PLD5: variants seen among roughly 807,000 people sequenced by gnomAD.
PLD5 encodes phospholipase D family member 5.
Under a neutral mutation model 61.1 loss-of-function variants are expected in PLD5, and 36 were observed. The observed-to-expected ratio is 0.59, with a 90% CI of 0.45 to 0.78. The LOEUF is 0.78. Among genes scored for constraint, PLD5 ranks in the 30% least tolerant of loss-of-function variants. The probability of loss-of-function intolerance (pLI) is 0.00; values close to 1 mark genes in which losing one functional copy is unlikely to be tolerated. For synonymous variants in PLD5, 243 were observed against 242.8 expected, an observed-to-expected ratio of 1.00 and a Z score of -0.01; for missense variants, 515 against 644.4, an observed-to-expected ratio of 0.80 and a Z score of 2.17.
chr1:242,221,454 A>G (rs977511268), intron 4 of PLD5, among the ~76,000 whole-genome samples: 1 of 152,258 alleles, frequency 6.6e-6, no homozygotes, highest in African/African-American at 2.4e-5. Flanking sequence ...ATTTCAGCAT[A>G]TCAGAAAGGA....
At chr1:242,233,038 C>A (rs1671408493) in intron 4 of PLD5, among the ~76,000 whole-genome samples, 2 of 151,996 alleles carry the variant, frequency 1.3e-5, no homozygotes, top group Admixed American at 1.3e-4. Flanking sequence ...CCTGTAATCC[C>A]AGCTACTTGG....
intron 1 of PLD5, among the ~76,000 whole-genome samples, chr1:242,372,296 G>C (rs1006462343): frequency 6.6e-6 from 1 of 152,130 alleles, no homozygotes; most frequent in Non-Finnish European, 1.5e-5. Flanking sequence ...GCCCTGCTTT[G>C]TGGAGCCAGG....
chr1:242,300,754 AC>A (rs1675991726), intron 2 of PLD5, among the ~76,000 whole-genome samples: 1 of 5,252 alleles, frequency 1.9e-4, no homozygotes, highest in East Asian at 0.021. Flanking sequence ...TTGCAGCGGG[AC>A]AAGGGTTGCA....
At chr1:242,242,509 T>G (rs567655840) in intron 4 of PLD5, among the ~76,000 whole-genome samples, 10 of 152,354 alleles carry the variant, frequency 6.6e-5, no homozygotes, top group African/African-American at 2.4e-4. Flanking sequence ...TCTAAGGTTT[T>G]GCTAAAGATC....
intron 2 of PLD5, among the ~76,000 whole-genome samples, chr1:242,289,096 T>C (rs904198692): frequency 1.2e-4 from 19 of 152,230 alleles, no homozygotes; most frequent in African/African-American, 4.6e-4. Context: ...AGGGCTTTAC[T>C]AATATTAGAG....
At chr1:242,095,204 G>T (rs946055471) in intron 9 of PLD5, among the ~76,000 whole-genome samples, 20 of 151,656 alleles carry the variant, frequency 1.3e-4, no homozygotes, top group Admixed American at 1.3e-4. Flanking sequence ...CAAAGCGCTG[G>T]AATTATAGGC....
At chr1:242,352,418 T>C (rs1165392151) in intron 1 of PLD5, among the ~76,000 whole-genome samples, 3 of 152,362 alleles carry the variant, frequency 2.0e-5, no homozygotes, top group South Asian at 2.1e-4. Flanking sequence ...TCGTTGTACA[T>C]ACATTCCATA....
chr1:242,271,201 CAGAGAGAGAGAGAGAG>C (rs60075638), intron 3 of PLD5, among the ~76,000 whole-genome samples: 1,265 of 101,922 alleles, frequency 0.012, 55 homozygotes, highest in East Asian at 0.11. Context: ...CACACACACA[CAGAGAGAGAGAGAGAG>C]AGAGAGAGAG....
chr1:242,466,836 T>G (rs1667291760), intron 1 of PLD5, among the ~76,000 whole-genome samples: 1 of 149,810 alleles, frequency 6.7e-6, no homozygotes, highest in Non-Finnish European at 1.5e-5. Context: ...GAAGTTGCAG[T>G]GAGCTGAGAT....
chr1:242,169,963 T>C (rs316890), intron 5 of PLD5, among the ~76,000 whole-genome samples: 127,663 of 152,230 alleles, frequency 0.84, 54,032 homozygotes, highest in African/African-American at 0.95. Context: ...CCCTCATCTC[T>C]CTGGGACAGA....
chr1:242,524,046 G>A, intron 1 of PLD5, 42 bp downstream of exon 1: 1 of 1,515,626 alleles, frequency 6.6e-7, no homozygotes, highest in South Asian at 1.2e-5. Context: ...GGTGCATGCG[G>A]CAGGTGCCTG....
At chr1:242,124,688 A>G (rs544065464) in intron 5 of PLD5, 23 bp from the exon 6 acceptor site, 2 of 1,583,564 alleles carry the variant, frequency 1.3e-6, no homozygotes, top group African/African-American at 1.3e-5. Flanking sequence ...AATTGAAAGC[A>G]TCAATGCCAT....
intron 1 of PLD5, among the ~76,000 whole-genome samples, chr1:242,437,426 G>A (rs1666049494): frequency 6.6e-6 from 1 of 152,126 alleles, no homozygotes; most frequent in African/African-American, 2.4e-5. Context: ...GCTGGGCATG[G>A]TGGCTCACAC....
chr1:242,308,633 G>C (rs2149170631), intron 2 of PLD5, among the ~76,000 whole-genome samples: 2 of 152,008 alleles, frequency 1.3e-5, no homozygotes, highest in East Asian at 1.9e-4. Context: ...AGTTAAATGT[G>C]AATGATATGA....
intron 4 of PLD5, among the ~76,000 whole-genome samples, chr1:242,242,039 A>ACACAC (rs1672089276): frequency 1.4e-5 from 2 of 146,946 alleles, no homozygotes; most frequent in African/African-American, 5.1e-5. Flanking sequence ...ACACACACAC[A>ACACAC]CACACATATG....
chr1:242,093,264 G>A (rs966465622), intron 9 of PLD5, among the ~76,000 whole-genome samples: 9 of 152,082 alleles, frequency 5.9e-5, no homozygotes, highest in Non-Finnish European at 1.3e-4. Context: ...ATCTCTAAAC[G>A]GGATTAGTAG....
At chr1:242,358,138 A>T (rs1470066) in intron 1 of PLD5, among the ~76,000 whole-genome samples, 144,088 of 152,144 alleles carry the variant, frequency 0.95, 68,705 homozygotes, top group Non-Finnish European at 1. Flanking sequence ...TGTTCATGTA[A>T]TGTTTTACAC....
intron 5 of PLD5, among the ~76,000 whole-genome samples, chr1:242,194,286 T>A (rs1668463404): frequency 6.6e-6 from 1 of 152,184 alleles, no homozygotes; most frequent in Admixed American, 6.5e-5. Flanking sequence ...CCTATAAGTA[T>A]GTGTGTTCTA....
chr1:242,323,087 AATT>A (rs1367584837), intron 2 of PLD5, among the ~76,000 whole-genome samples: 3 of 152,330 alleles, frequency 2.0e-5, no homozygotes, highest in Admixed American at 2.0e-4. Flanking sequence ...GACTACAATA[AATT>A]ATTATTGTTA....
Sources: allele counts gnomAD v4.1 joint callset (sites outside exome capture counted in the v4.1 genomes callset), GRCh38; gene constraint gnomAD v4.1.1; transcripts MANE v1.5; gene names NCBI Gene and HGNC (gene_info 2026-07-23, HGNC 2026-07-21).